Variants in CFAP47 observed in about 807,000 individuals in gnomAD.
CFAP47 encodes the protein cilia and flagella associated protein 47, also known as cilia- and flagella-associated protein 47.
CFAP47 carries 29 observed loss-of-function variants against 148.1 expected under a neutral mutation model. The observed-to-expected ratio is 0.20, with a 90% CI of 0.15 to 0.27. The LOEUF is 0.27. CFAP47 is among the 10% of genes least tolerant of loss of function. The pLI, the probability that CFAP47 is intolerant of heterozygous loss-of-function variation, is 1.00. For missense variants in CFAP47, 1,872 were observed against 1,697.5 expected (o/e 1.10, Z -1.81); for synonymous variants, 664 against 577.3 (o/e 1.15, Z -2.15).
chrX:36,327,377 A>G (rs1283172824), intron 57 of CFAP47, among the ~76,000 whole-genome samples: 1 of 112,379 alleles, frequency 8.9e-6, no homozygotes, highest in African/African-American at 3.2e-5. Flanking sequence ...GCTAAACATC[A>G]CTAATCATTA....
At chrX:36,028,414 G>A (rs933309024) in intron 22 of CFAP47, among the ~76,000 whole-genome samples, 3 of 111,056 alleles carry the variant, frequency 2.7e-5, no homozygotes, top group Non-Finnish European at 5.7e-5. Flanking sequence ...AATGACATTG[G>A]TACTTTGATA....
chrX:35,975,792 C>T lies in CFAP47; in HGVS notation c.2592C>T (p.Phe864=). The change falls in exon 15 of 64, where the codon TTC becomes TTT. Residue 864 remains phenylalanine (F), a synonymous_variant. Transcript: ENST00000378653. ...NELVLRPRGF[F]MKTCFRGTVR... ...TAGTATTGAGACCACGAGGCTTCTTCATGAAAACATGTTTTCGGGGGACAG... is the reference window on the plus strand; with the variant it reads ...TAGTATTGAGACCACGAGGCTTCTTTATGAAAACATGTTTTCGGGGGACAG... The T allele has an allele frequency of 1.7e-6, 2 of 1,210,772 alleles. No individual in the cohort carries two copies. Among genetic ancestry groups the T allele is most frequent in the African/African-American group, 1.7e-5 (1 of 57,676 alleles).
chrX:36,189,832 A>G (rs1225909997), intron 41 of CFAP47, among the ~76,000 whole-genome samples: 5 of 112,459 alleles, frequency 4.4e-5, no homozygotes, highest in Non-Finnish European at 9.4e-5. Context: ...CTTCGTAATG[A>G]AATTATGTAT....
chrX:36,175,527 C>G (rs1427479050), intron 39 of CFAP47, among the ~76,000 whole-genome samples: 1 of 111,645 alleles, frequency 9.0e-6, no homozygotes, highest in Non-Finnish European at 1.9e-5. Flanking sequence ...AGACCGGACC[C>G]TCAGCTGCAG....
At chrX:36,357,733 A>G (rs782769639) in intron 60 of CFAP47, among the ~76,000 whole-genome samples, 1 of 110,748 alleles carries the variant, frequency 9.0e-6, no homozygotes, top group East Asian at 2.8e-4. Flanking sequence ...CTATAAGTGT[A>G]TTTCTTCTTC....
chrX:36,379,451 C>T lies in CFAP47; in HGVS notation c.9287C>T (p.Thr3096Ile). ...GELLPFNTNGTLITVGFKPKM... is the reference protein window; with the variant it reads ...GELLPFNTNGILITVGFKPKM... ...CTTCTTCCTTTTAACACAAACGGAA[C>T]TCTCATCACTGTAGGATTTAAACCT... The change falls in exon 63 of 64, where the codon ACT becomes ATT. Residue 3096 changes from threonine to isoleucine, a missense_variant. Coordinates refer to ENST00000378653, the MANE Select transcript of CFAP47 (RefSeq NM_001304548.2). The T allele has an allele frequency of 1.7e-6, 2 of 1,162,121 alleles. No individual in the cohort carries two copies. The highest frequency in any genetic ancestry group is 3.3e-5 in the East Asian group (1 of 30,745).
At chrX:36,151,834 T>C (rs1361537516) in intron 37 of CFAP47, among the ~76,000 whole-genome samples, 1 of 112,162 alleles carries the variant, frequency 8.9e-6, no homozygotes, top group Non-Finnish European at 1.9e-5. Context: ...CTAGGCAGCT[T>C]ACAAACAACA....
intron 33 of CFAP47, among the ~76,000 whole-genome samples, chrX:36,120,771 G>A (rs1342135794): frequency 9.2e-6 from 1 of 108,347 alleles, no homozygotes; most frequent in African/African-American, 3.4e-5. Context: ...AAGGCTTTTT[G>A]TGCCCTAACA....
intron 48 of CFAP47, among the ~76,000 whole-genome samples, chrX:36,246,527 C>T (rs782453248): frequency 1.8e-5 from 2 of 111,487 alleles, no homozygotes; most frequent in Non-Finnish European, 3.8e-5. Context: ...GGGAGAGGAA[C>T]AAGCAGGGGA....
At chrX:36,160,821 T>C (rs766325021) in intron 39 of CFAP47, 52 bp downstream of exon 39, 21 of 279,458 alleles carry the variant, frequency 7.5e-5, no homozygotes, top group African/African-American at 6.0e-4. Context: ...ATCTCCACTC[T>C]GAAGAGACAT....
At chrX:36,144,738 A>G (rs777691490) in intron 35 of CFAP47, 1 of 1,022,810 alleles carries the variant, frequency 9.8e-7, no homozygotes, top group Admixed American at 2.5e-5. Context: ...GTTCTTTTTT[A>G]TTTTTGTCGT....
At chrX:36,024,295 C>A (rs1457234652) in intron 22 of CFAP47, among the ~76,000 whole-genome samples, 1 of 111,994 alleles carries the variant, frequency 8.9e-6, no homozygotes, top group East Asian at 2.8e-4. Context: ...CCTGCTGCAG[C>A]TGAGCTCTTA....
intron 33 of CFAP47, among the ~76,000 whole-genome samples, chrX:36,107,895 C>T (rs1315018097): frequency 9.0e-6 from 1 of 111,337 alleles, no homozygotes; most frequent in Non-Finnish European, 1.9e-5. Flanking sequence ...CCTTTACGTG[C>T]CTTACACCTC....
chrX:35,943,499 G>T (rs1305658404), intron 3 of CFAP47, among the ~76,000 whole-genome samples: 6 of 111,086 alleles, frequency 5.4e-5, no homozygotes, highest in Non-Finnish European at 7.6e-5. Flanking sequence ...AACATCCATG[G>T]ATCTAGCCAT....
intron 33 of CFAP47, among the ~76,000 whole-genome samples, chrX:36,127,429 C>T (rs1184561462): frequency 9.0e-6 from 1 of 111,260 alleles, no homozygotes; most frequent in Non-Finnish European, 1.9e-5. Flanking sequence ...TTTCTGAAGC[C>T]TCTGTTCTGT....
intron 33 of CFAP47, among the ~76,000 whole-genome samples, chrX:36,135,393 C>G (rs1939026469): frequency 9.0e-6 from 1 of 111,629 alleles, no homozygotes; most frequent in African/African-American, 3.3e-5. Flanking sequence ...AAACCAAATG[C>G]CCTTCAATTG....
At chrX:35,980,157 C>T (rs1936622767) in intron 15 of CFAP47, among the ~76,000 whole-genome samples, 1 of 111,945 alleles carries the variant, frequency 8.9e-6, no homozygotes, top group South Asian at 3.7e-4. Context: ...GAGGCTGAGG[C>T]CCAGTGTTCT....
At chrX:36,013,541 T>A in intron 21 of CFAP47, among the ~76,000 whole-genome samples, 1 of 111,784 alleles carries the variant, frequency 8.9e-6, no homozygotes, top group Non-Finnish European at 1.9e-5. Context: ...TTGTGTGTAT[T>A]ACTATAGGCT....
intron 15 of CFAP47, among the ~76,000 whole-genome samples, chrX:35,985,582 G>A (rs1052543717): frequency 3.6e-5 from 4 of 111,027 alleles, no homozygotes; most frequent in Admixed American, 9.5e-5. Flanking sequence ...GACAGTGAAG[G>A]AGCTATGATA....
Sources: allele counts gnomAD v4.1 joint callset (sites outside exome capture counted in the v4.1 genomes callset), GRCh38; gene constraint gnomAD v4.1.1; transcripts MANE v1.5; gene names NCBI Gene and HGNC (gene_info 2026-07-23, HGNC 2026-07-21).